LRTM3: variants seen among roughly 807,000 people sequenced by gnomAD.
The protein encoded by LRTM3 is leucine rich repeat transmembrane protein 3, also known as leucine-rich repeat transmembrane protein 3.
chr13:102,738,460 T>C, the LRTM3 span: 8 of 1,550,662 alleles, frequency 5.2e-6, no homozygotes, highest in African/African-American at 8.2e-5. Flanking sequence ...GCACACTTGG[T>C]TCACCTTTAA....
chr13:102,748,425 A>C, the LRTM3 span: 1 of 1,551,232 alleles, frequency 6.4e-7, no homozygotes, highest in South Asian at 1.2e-5. Flanking sequence ...ACAAGTTCCA[A>C]AAAATCTTTT....
chr13:102,731,919 C>G, the LRTM3 span: 1 of 1,549,736 alleles, frequency 6.5e-7, no homozygotes, highest in Non-Finnish European at 8.7e-7. Context: ...ATACGTAAGT[C>G]TGGTTTTTTA....
the LRTM3 span, chr13:102,729,414 C>A: frequency 7.2e-7 from 1 of 1,380,086 alleles, no homozygotes; most frequent in South Asian, 2.0e-5. Flanking sequence ...CAATAGCGAC[C>A]AGCTGTCCAC....
the LRTM3 span, chr13:102,736,198 A>G: frequency 6.5e-7 from 1 of 1,548,382 alleles, no homozygotes. Context: ...GGTGAGAGAG[A>G]GAAGGCATGA....
At chr13:102,748,440 T>G in the LRTM3 span, 1 of 1,551,278 alleles carries the variant, frequency 6.4e-7, no homozygotes, top group Non-Finnish European at 8.7e-7. Context: ...TCTTTTTGTT[T>G]CTGTGTATTT....
chr13:102,746,366 G>A, the LRTM3 span: 1 of 1,550,360 alleles, frequency 6.5e-7, no homozygotes, highest in Non-Finnish European at 8.7e-7. Context: ...AAAGACATCA[G>A]TGTATGTCTT....
the LRTM3 span, chr13:102,736,075 G>A: frequency 1.3e-5 from 20 of 1,541,194 alleles, no homozygotes; most frequent in African/African-American, 2.8e-4. Context: ...GCATTTGTTG[G>A]TTTGCTTTTA....
At chr13:102,747,045 A>G in the LRTM3 span, 7 of 1,551,102 alleles carry the variant, frequency 4.5e-6, no homozygotes, top group African/African-American at 2.7e-5. Flanking sequence ...CCAAGGTTGC[A>G]GCTATCATGC....
chr13:102,733,529 T>C, the LRTM3 span: 16 of 1,551,300 alleles, frequency 1.0e-5, no homozygotes, highest in Non-Finnish European at 1.4e-5. Context: ...ACTGATTTTA[T>C]GGTTTAAGTT....
chr13:102,735,885 C>T, the LRTM3 span: 2 of 1,539,480 alleles, frequency 1.3e-6, no homozygotes, highest in Non-Finnish European at 1.8e-6. Flanking sequence ...CTCGGAACCA[C>T]TCCAGGTTCC....
At chr13:102,740,807 T>C in the LRTM3 span, 7 of 1,549,328 alleles carry the variant, frequency 4.5e-6, no homozygotes, top group Non-Finnish European at 6.1e-6. Context: ...TGAAGTGAGG[T>C]ACCCTAAACT....
the LRTM3 span, chr13:102,744,494 T>G: frequency 3.9e-6 from 6 of 1,550,692 alleles, no homozygotes; most frequent in Non-Finnish European, 4.4e-6. Context: ...TTTTATTCCT[T>G]CTTGCATATG....
chr13:102,735,866 G>A, the LRTM3 span: 2 of 1,540,998 alleles, frequency 1.3e-6, no homozygotes, highest in East Asian at 4.9e-5. Flanking sequence ...AGGGAATGAA[G>A]CAGATTTCCT....
the LRTM3 span, chr13:102,729,737 C>T: frequency 6.4e-7 from 1 of 1,551,906 alleles, no homozygotes; most frequent in African/African-American, 1.4e-5. Context: ...GCTTTGGAAA[C>T]AATCCAATCT....
the LRTM3 span, chr13:102,735,437 G>C: frequency 6.4e-7 from 1 of 1,551,268 alleles, no homozygotes; most frequent in Non-Finnish European, 8.7e-7. Flanking sequence ...TCCTTCTGTT[G>C]TATCAAACTT....
chr13:102,730,040 G>GT, the LRTM3 span: 1 of 1,551,500 alleles, frequency 6.4e-7, no homozygotes, highest in South Asian at 1.2e-5. Flanking sequence ...AATTTCCGCA[G>GT]TATTTGATGA....
the LRTM3 span, among the ~76,000 whole-genome samples, chr13:102,756,857 T>C: frequency 2.0e-5 from 3 of 152,104 alleles, no homozygotes; most frequent in Non-Finnish European, 4.4e-5. Flanking sequence ...CTCCATGAAT[T>C]TCCCTTAACG....
the LRTM3 span, chr13:102,748,097 G>C: frequency 6.4e-7 from 1 of 1,551,088 alleles, no homozygotes; most frequent in Non-Finnish European, 8.7e-7. Flanking sequence ...TATTCTTAAT[G>C]TGTCTGCCTT....
the LRTM3 span, chr13:102,734,255 C>G: frequency 2.6e-6 from 4 of 1,551,376 alleles, no homozygotes; most frequent in South Asian, 4.8e-5. Flanking sequence ...TCTTACATCA[C>G]CACTCCTTGC....
Sources: allele counts gnomAD v4.1 joint callset (sites outside exome capture counted in the v4.1 genomes callset), GRCh38; gene constraint gnomAD v4.1.1; transcripts MANE v1.5; gene names NCBI Gene and HGNC (gene_info 2026-07-23, HGNC 2026-07-21).